The following DTNA variants were observed in gnomAD, a reference collection of about 807,000 sequenced individuals.
DTNA encodes the protein dystrophin-related protein 3.
A neutral mutation model predicts 100.7 loss-of-function variants in DTNA; 43 were observed. That is an observed-to-expected ratio of 0.43 (90% CI 0.33 to 0.55). DTNA has a LOEUF of 0.55. Among genes scored for constraint, DTNA ranks in the 20% least tolerant of loss-of-function variants. The probability of loss-of-function intolerance (pLI) is 0.04; values close to 1 mark genes in which losing one functional copy is unlikely to be tolerated. For synonymous variants in DTNA, 349 were observed against 347.9 expected (o/e 1.00, Z -0.04); for missense variants, 798 against 953.9 (o/e 0.84, Z 2.15).
intron 1 of DTNA, among the ~76,000 whole-genome samples, chr18:34,606,767 T>C (rs1260632334): frequency 6.6e-6 from 1 of 152,104 alleles, no homozygotes; most frequent in Non-Finnish European, 1.5e-5. Context: ...AGGACTAGCA[T>C]GAGCAAGGAT....
chr18:34,756,481 A>G (rs2092778742), intron 2 of DTNA, among the ~76,000 whole-genome samples: 2 of 152,214 alleles, frequency 1.3e-5, no homozygotes, highest in African/African-American at 2.4e-5. Flanking sequence ...GTGATATCAT[A>G]TGTTTATGTG....
intron 1 of DTNA, among the ~76,000 whole-genome samples, chr18:34,518,968 G>A (rs143552547): frequency 0.027 from 4,093 of 152,128 alleles, 72 homozygotes; most frequent in Middle Eastern, 0.061. Context: ...CTTAATGAGA[G>A]ATAATTAAAG....
chr18:34,733,002 G>C (rs1186306439), intron 1 of DTNA, among the ~76,000 whole-genome samples: 5 of 152,146 alleles, frequency 3.3e-5, no homozygotes, highest in Non-Finnish European at 5.9e-5. Flanking sequence ...TATTTTAACT[G>C]GAGGACCACA....
chr18:34,847,902 G>A (rs2096408806), intron 13 of DTNA, among the ~76,000 whole-genome samples: 1 of 152,172 alleles, frequency 6.6e-6, no homozygotes, highest in Non-Finnish European at 1.5e-5. Context: ...TGACCACAAT[G>A]ATGTTTTTCT....
chr18:34,688,930 G>A (rs951558373), intron 1 of DTNA, among the ~76,000 whole-genome samples: 2 of 151,760 alleles, frequency 1.3e-5, no homozygotes, highest in Non-Finnish European at 2.9e-5. Context: ...CTGCTTGATC[G>A]ATTCAGCTAT....
chr18:34,635,354 A>C (rs1465048470), intron 1 of DTNA, among the ~76,000 whole-genome samples: 1 of 152,170 alleles, frequency 6.6e-6, no homozygotes, highest in African/African-American at 2.4e-5. Flanking sequence ...TTTGACCTAC[A>C]GATTTCATTT....
At chr18:34,852,175 CTCTAGACGG>C (rs977754952) in intron 15 of DTNA, among the ~76,000 whole-genome samples, 9 of 152,248 alleles carry the variant, frequency 5.9e-5, no homozygotes, top group African/African-American at 2.2e-4. Flanking sequence ...AATGTTGCCC[CTCTAGACGG>C]TCTCACTTCC....
intron 1 of DTNA, among the ~76,000 whole-genome samples, chr18:34,696,435 G>A (rs1389624616): frequency 6.6e-6 from 1 of 151,982 alleles, no homozygotes; most frequent in Admixed American, 6.6e-5. Flanking sequence ...AAAATTAGCT[G>A]GGCCTGGTGG....
intron 1 of DTNA, among the ~76,000 whole-genome samples, chr18:34,555,730 G>A (rs2045961351): frequency 6.6e-6 from 1 of 152,038 alleles, no homozygotes; most frequent in African/African-American, 2.4e-5. Context: ...ATTGCACTGT[G>A]GTCTGAGAGA....
chr18:34,888,789 C>G lies in DTNA; in HGVS notation c.*1055C>G. ...CAGCACCGCTCGTTCACAAGTTCCC[C>G]CATCAAGTTGTTTGGAGGCCTTCAG... On this transcript the variant is annotated 3_prime_UTR_variant, in exon 23 of 23. Coordinates refer to ENST00000444659, the MANE Select transcript of DTNA (RefSeq NM_001386795.1). The G allele has an allele frequency of 1.5e-5, 15 of 985,872 alleles. No homozygotes were observed. Among genetic ancestry groups the G allele is most frequent in the Non-Finnish European group, 1.8e-5 (15 of 829,940 alleles). The allele number at this position is 985,872 out of a possible 1,614,324, so 61.1% of individuals were successfully genotyped here. A position where few individuals can be genotyped will look rare whatever the true frequency, so the allele number is the denominator to read the frequency against.
chr18:34,782,056 C>T (rs1326587806), intron 3 of DTNA, among the ~76,000 whole-genome samples: 4 of 152,168 alleles, frequency 2.6e-5, no homozygotes, highest in African/African-American at 9.7e-5. Flanking sequence ...GAAAACTATG[C>T]CCAATAAAGC....
At chr18:34,783,099 T>C (rs1028768425) in intron 3 of DTNA, among the ~76,000 whole-genome samples, 11 of 152,210 alleles carry the variant, frequency 7.2e-5, no homozygotes, top group African/African-American at 1.2e-4. Context: ...AATGAGAAAT[T>C]AGTTATCATT....
At position 34,875,253 on chromosome 18, in the gene DTNA, C is replaced by A; in HGVS notation, c.1758C>A (p.Gly586=). The A allele has an allele frequency of 6.2e-7, 1 of 1,614,020 alleles. No homozygotes were observed. Among genetic ancestry groups the A allele is most frequent in the Non-Finnish European group, 8.5e-7 (1 of 1,179,936 alleles). Reference sequence around the variant, plus strand: ...TGTCTCTCCAGACTCAGGGGGCAGGCTCTCCCCGCTCCTCCCCCAGCCACA... The same window carrying A: ...TGTCTCTCCAGACTCAGGGGGCAGGATCTCCCCGCTCCTCCCCCAGCCACA... The part of the protein sequence containing the change: ...LMKLLKTQGA[G]SPRSSPSHTI... The change falls in exon 18 of 23, where the codon GGC becomes GGA. Residue 586 remains glycine (G), a synonymous_variant. Coordinates refer to ENST00000444659, the MANE Select transcript of DTNA (RefSeq NM_001386795.1).
chr18:34,860,094 T>C (rs2096600372), intron 16 of DTNA, among the ~76,000 whole-genome samples: 1 of 152,156 alleles, frequency 6.6e-6, no homozygotes, highest in African/African-American at 2.4e-5. Flanking sequence ...TCACCCAGGC[T>C]GGAGTGCAGT....
At chr18:34,742,395 T>C (rs923459938) in intron 1 of DTNA, among the ~76,000 whole-genome samples, 3 of 152,138 alleles carry the variant, frequency 2.0e-5, no homozygotes, top group African/African-American at 7.2e-5. Flanking sequence ...TCCTTGCCAC[T>C]GCTAGCTTCT....
chr18:34,865,255 T>C (rs2096683412), intron 17 of DTNA, among the ~76,000 whole-genome samples: 1 of 150,976 alleles, frequency 6.6e-6, no homozygotes, highest in African/African-American at 2.5e-5. Context: ...TTTCTTTCTC[T>C]CTTTTTTTTG....
rs2096937229 is a variant in DTNA at position 34,887,878 on chromosome 18, G to A, written c.*144G>A. 1.0e-6 allele frequency: 1 copy of A among 986,674 alleles called. No individual in the cohort carries two copies. Among genetic ancestry groups the A allele is most frequent in the South Asian group, 4.7e-5 (1 of 21,310 alleles). 61.1% of individuals were successfully genotyped at this position (986,674 alleles called of 1,614,324 possible). On this transcript the variant is annotated 3_prime_UTR_variant, in exon 23 of 23. Coordinates refer to ENST00000444659, the MANE Select transcript of DTNA (RefSeq NM_001386795.1). ...AGCCTGGCAGCAGCCTCACCGAAGAGAGGAACCACCACACCCAGCAGCTCC... is the reference window on the plus strand; with the variant it reads ...AGCCTGGCAGCAGCCTCACCGAAGAAAGGAACCACCACACCCAGCAGCTCC...
chr18:34,867,397 C>T (rs2096717042), intron 17 of DTNA: 2 of 1,228,290 alleles, frequency 1.6e-6, no homozygotes, highest in East Asian at 3.2e-5. Context: ...TAACAGAAGA[C>T]AGTCCCCCTG....
chr18:34,792,909 A>T (rs1043672228), intron 3 of DTNA, among the ~76,000 whole-genome samples: 14 of 152,230 alleles, frequency 9.2e-5, no homozygotes, highest in African/African-American at 3.4e-4. Context: ...GTGATTGTTC[A>T]TAGCAATTTT....
Sources: gnomAD v4.1 joint callset for allele counts (sites outside exome capture counted in the v4.1 genomes callset) on GRCh38, gnomAD v4.1.1 for gene constraint, MANE v1.5 for transcripts, NCBI Gene and HGNC (gene_info 2026-07-23, HGNC 2026-07-21) for gene names.